Variants in BTRC observed in about 807,000 individuals in gnomAD.
The protein encoded by BTRC is beta-transducin repeat containing E3 ubiquitin protein ligase.
A neutral mutation model predicts 85.5 loss-of-function variants in BTRC; 42 were observed. The observed-to-expected ratio is 0.49, with a 90% CI of 0.38 to 0.64. The LOEUF is 0.64. Ranked by LOEUF, BTRC falls within the 30% of genes least tolerant of loss-of-function variation. BTRC has a pLI of 0.00. For missense variants in BTRC, 594 were observed against 743.5 expected (o/e 0.80, Z 2.34); for synonymous variants, 255 against 263.3 (o/e 0.97, Z 0.30).
At chr10:101,479,252 A>C (rs915053297) in intron 3 of BTRC, 116 bp from the exon 4 acceptor site, 2 of 737,648 alleles carry the variant, frequency 2.7e-6, no homozygotes, top group Non-Finnish European at 4.3e-6. Flanking sequence ...ATAAGTCTTA[A>C]CTTATAGATA....
chr10:101,418,378 A>T (rs1944004039), intron 1 of BTRC, among the ~76,000 whole-genome samples: 1 of 152,110 alleles, frequency 6.6e-6, no homozygotes, highest in Admixed American at 6.5e-5. Context: ...AAAAAAAAAC[A>T]AAAACACAGA....
rs1349790156 is a variant in BTRC, at chr10:101,554,184, C to T, written c.*1061C>T. ...TGCTGATTGCATTTCCTCTCATTAA[C>T]AATTGGGTGTGTAATAAAAAGCATT... is the stretch of plus-strand genomic sequence containing the variant. On this transcript the variant is annotated 3_prime_UTR_variant, in exon 15 of 15. Coordinates refer to ENST00000370187, the MANE Select transcript of BTRC (RefSeq NM_033637.4). 1.3e-5 allele frequency: 2 copies of T among 152,158 alleles called. No individual in the cohort carries two copies. The highest frequency in any genetic ancestry group is 2.4e-5 in the African/African-American group (1 of 41,422). The allele number at this position is 152,158 out of a possible 1,614,324, so 9.4% of individuals were successfully genotyped here. A position where few individuals can be genotyped will look rare whatever the true frequency, so the allele number is the denominator to read the frequency against.
chr10:101,390,896 A>T (rs1322169601), intron 1 of BTRC, among the ~76,000 whole-genome samples: 1 of 152,210 alleles, frequency 6.6e-6, no homozygotes, highest in Non-Finnish European at 1.5e-5. Context: ...GTTAAGATAG[A>T]TTAATTTTAT....
intron 4 of BTRC, among the ~76,000 whole-genome samples, chr10:101,509,770 A>G (rs1946651803): frequency 7.2e-6 from 1 of 139,708 alleles, no homozygotes; most frequent in African/African-American, 2.8e-5. Context: ...CTATGCTGCC[A>G]AAGCTGGTCT....
At position 101,473,295 on chromosome 10, in the gene BTRC, A is replaced by AT. The variant is rs1011008163; in HGVS notation, c.235-6066dup. On this transcript the variant is annotated intron_variant, in intron 3 of 14. Coordinates refer to ENST00000370187, the MANE Select transcript of BTRC (RefSeq NM_033637.4). ...TTAAGCCTCTCCAGTAAATTTTTTG[A>AT]TTTTTTTGAGATAGGGTCTCACTCT... 2.3e-4 allele frequency among the ~76,000 whole-genome samples: 32 copies of AT among 140,252 alleles called. 1 individual carries two copies. The highest frequency in any genetic ancestry group is 2.1e-3 in the Admixed American group (30 of 14,020). The allele number at this position is 140,252 out of a possible 152,430, so 92.0% of individuals were successfully genotyped here. A position where few individuals can be genotyped will look rare whatever the true frequency, so the allele number is the denominator to read the frequency against.
chr10:101,365,508 T>C (rs1942345672), intron 1 of BTRC, among the ~76,000 whole-genome samples: 1 of 152,036 alleles, frequency 6.6e-6, no homozygotes, highest in Non-Finnish European at 1.5e-5. Context: ...GAAGTTTCGC[T>C]CTTGTTGCAC....
chr10:101,431,467 T>C (rs1426266729), intron 2 of BTRC, among the ~76,000 whole-genome samples: 3 of 152,210 alleles, frequency 2.0e-5, no homozygotes, highest in Admixed American at 6.5e-5. Context: ...GACAAAAACG[T>C]AGGAAAGAGT....
intron 1 of BTRC, among the ~76,000 whole-genome samples, chr10:101,425,335 A>C (rs548771378): frequency 6.6e-6 from 1 of 152,224 alleles, no homozygotes; most frequent in African/African-American, 2.4e-5. Context: ...AAGGCTAGTG[A>C]AGTCATTCAG....
chr10:101,549,970 G>A (rs536963443), intron 13 of BTRC, among the ~76,000 whole-genome samples: 46 of 152,126 alleles, frequency 3.0e-4, no homozygotes, highest in Admixed American at 1.2e-3. Flanking sequence ...TTAATGCCGT[G>A]GAAATCTACC....
At chr10:101,429,561 C>T (rs1205623828) in intron 1 of BTRC, among the ~76,000 whole-genome samples, 2 of 119,114 alleles carry the variant, frequency 1.7e-5, no homozygotes, top group African/African-American at 3.2e-5. Flanking sequence ...TCTTCTTCTT[C>T]TCTCTCTCTC....
At chr10:101,487,638 G>A (rs1278079508) in intron 4 of BTRC, among the ~76,000 whole-genome samples, 2 of 152,198 alleles carry the variant, frequency 1.3e-5, no homozygotes, top group East Asian at 3.8e-4. Flanking sequence ...ATGGCAGCAG[G>A]TAATCCATCT....
chr10:101,442,885 T>G (rs1401088970), intron 2 of BTRC, among the ~76,000 whole-genome samples: 3 of 146,296 alleles, frequency 2.1e-5, no homozygotes, highest in African/African-American at 7.9e-5. Flanking sequence ...AGATCTCACT[T>G]GCTCTTTTTT....
At chr10:101,475,603 T>C (rs1447265688) in intron 3 of BTRC, among the ~76,000 whole-genome samples, 1 of 152,156 alleles carries the variant, frequency 6.6e-6, no homozygotes. Context: ...TATATATCTC[T>C]ACTATTTTCC....
intron 2 of BTRC, among the ~76,000 whole-genome samples, chr10:101,435,280 C>T (rs10883651): frequency 0.36 from 54,852 of 151,964 alleles, 10,990 homozygotes; most frequent in Middle Eastern, 0.48. Flanking sequence ...TTGACAAATG[C>T]ATACTTTTGT....
intron 1 of BTRC, among the ~76,000 whole-genome samples, chr10:101,388,281 C>T (rs1457095023): frequency 6.6e-6 from 1 of 152,094 alleles, no homozygotes; most frequent in Non-Finnish European, 1.5e-5. Context: ...CCTGCCTCAG[C>T]CTTCCAAGTA....
rs775011803 is a variant in BTRC at position 101,534,779 on chromosome 10, G to A, written c.1216G>A (p.Ala406Thr). 6.2e-7 allele frequency: 1 copy of A among 1,614,072 alleles called. No individual in the cohort carries two copies. Among genetic ancestry groups the A allele is most frequent in the Non-Finnish European group, 8.5e-7 (1 of 1,180,040 alleles). Residue 406 changes from alanine to threonine, a missense_variant, in exon 10 of 15, where the codon GCT becomes ACT. Ala to Thr is a moderately conservative substitution (Grantham distance 58). Transcript: ENST00000370187. Reference protein sequence around the residue: ...MVTCSKDRSIAVWDMASPTDI... With the variant: ...MVTCSKDRSITVWDMASPTDI... ...GACCTGCTCCAAAGATCGTTCCATT[G>A]CTGTATGGGATATGGCCTCCCCAAC...
At chr10:101,427,806 G>A (rs1944300560) in intron 1 of BTRC, among the ~76,000 whole-genome samples, 1 of 152,092 alleles carries the variant, frequency 6.6e-6, no homozygotes. Context: ...GGGATTATAG[G>A]ATTGAGCCAC....
At chr10:101,407,836 C>G (rs1171464702) in intron 1 of BTRC, among the ~76,000 whole-genome samples, 1 of 151,522 alleles carries the variant, frequency 6.6e-6, no homozygotes, top group African/African-American at 2.4e-5. Context: ...AATTTTCCTG[C>G]CTCAGCCTCC....
chr10:101,479,535 T>C lies in BTRC; in HGVS notation c.324+78T>C, dbSNP rs1413731972. 16 of 1,160,800 alleles carry C rather than the reference T, an allele frequency of 1.4e-5. No individual in the cohort carries two copies. The Admixed American group carries it at 3.0e-4, about 22-fold the overall frequency. The allele number at this position is 1,160,800 out of a possible 1,614,324, so 71.9% of individuals were successfully genotyped here. A position where few individuals can be genotyped will look rare whatever the true frequency, so the allele number is the denominator to read the frequency against. On this transcript the variant is annotated intron_variant, in intron 4 of 14. Coordinates refer to ENST00000370187, the MANE Select transcript of BTRC (RefSeq NM_033637.4). ...ATCTGTAGGCATCTTTACTCAGTAT[T>C]GCTTAAGGATTATTACAGGATTATA... is the stretch of plus-strand genomic sequence containing the variant.
Sources: gnomAD v4.1 joint callset for allele counts (sites outside exome capture counted in the v4.1 genomes callset) on GRCh38, gnomAD v4.1.1 for gene constraint, MANE v1.5 for transcripts, NCBI Gene and HGNC (gene_info 2026-07-23, HGNC 2026-07-21) for gene names.